The following CPQ variants were observed in gnomAD, a reference collection of about 807,000 sequenced individuals.
CPQ encodes Ser-Met dipeptidase.
A neutral mutation model predicts 45.7 loss-of-function variants in CPQ; 37 were observed. The observed-to-expected ratio is 0.81, with a 90% CI of 0.62 to 1.07. The LOEUF is 1.07. Among genes scored for constraint, CPQ ranks in the 50% least tolerant of loss-of-function variants. CPQ has a pLI of 0.00. For synonymous variants in CPQ, 186 were observed against 205.8 expected, an observed-to-expected ratio of 0.90 and a Z score of 0.82; for missense variants, 537 against 572.9, an observed-to-expected ratio of 0.94 and a Z score of 0.64.
At chr8:96,676,054 AT>A (rs1373126534) in intron 1 of CPQ, among the ~76,000 whole-genome samples, 3 of 152,050 alleles carry the variant, frequency 2.0e-5, no homozygotes, top group Non-Finnish European at 4.4e-5. Context: ...TGATACATGC[AT>A]ACAATGTGTA....
chr8:96,697,273 A>G (rs1563472071), intron 1 of CPQ, among the ~76,000 whole-genome samples: 1 of 152,200 alleles, frequency 6.6e-6, no homozygotes, highest in Non-Finnish European at 1.5e-5. Context: ...ACAAAAAATC[A>G]TATGGTTATT....
chr8:96,866,453 A>C (rs1179487783), intron 3 of CPQ, among the ~76,000 whole-genome samples: 1 of 152,088 alleles, frequency 6.6e-6, no homozygotes, highest in Admixed American at 6.6e-5. Context: ...AATAGTTTTT[A>C]AAATTATGTC....
intron 3 of CPQ, among the ~76,000 whole-genome samples, chr8:96,878,882 TG>T (rs1416738078): frequency 6.6e-6 from 1 of 152,216 alleles, no homozygotes; most frequent in Non-Finnish European, 1.5e-5. Context: ...TTTTAGCCTA[TG>T]CTTTAACAGA....
At chr8:96,745,101 A>T (rs1424571626) in intron 1 of CPQ, among the ~76,000 whole-genome samples, 1 of 152,188 alleles carries the variant, frequency 6.6e-6, no homozygotes, top group East Asian at 1.9e-4. Flanking sequence ...CAAGGTCAGG[A>T]GTTCGAGACT....
chr8:96,784,631 C>A (rs1301240421), intron 1 of CPQ, among the ~76,000 whole-genome samples: 1 of 152,146 alleles, frequency 6.6e-6, no homozygotes, highest in East Asian at 1.9e-4. Flanking sequence ...ATCCTTTTAG[C>A]ATATTTTAAA....
intron 4 of CPQ, among the ~76,000 whole-genome samples, chr8:96,952,863 G>A (rs1813289447): frequency 6.6e-6 from 1 of 152,020 alleles, no homozygotes; most frequent in African/African-American, 2.4e-5. Context: ...ATTATCAAAG[G>A]ACACTATAAA....
chr8:96,861,781 T>C lies in CPQ; in HGVS notation c.642-18017T>C, dbSNP rs148047285. 2.6e-3 allele frequency among the ~76,000 whole-genome samples: 396 copies of C among 152,164 alleles called. 4 individuals carry two copies. Among genetic ancestry groups the C allele is most frequent in the African/African-American group, 9.2e-3 (380 of 41,512 alleles). ...GCCAGCACTCTGAGAATGAGAAGCC[T>C]AGAGAGAGGCCAGGCTGGGATAGTG... On this transcript the variant is annotated intron_variant, in intron 3 of 7. Transcript: ENST00000220763.
At chr8:96,765,269 C>T (rs1481116282) in intron 1 of CPQ, among the ~76,000 whole-genome samples, 1 of 152,162 alleles carries the variant, frequency 6.6e-6, no homozygotes, top group Non-Finnish European at 1.5e-5. Context: ...ACTGCTGGAG[C>T]AGGTTTGCAG....
In CPQ at chr8:97,029,639, G is replaced by A. The variant is rs115466845; in HGVS notation, c.1053+145G>A. 198 of 696,598 alleles carry A rather than the reference G, an allele frequency of 2.8e-4. No homozygotes were observed. The African/African-American group carries it at 3.3e-3, about 11-fold the overall frequency. The allele number at this position is 696,598 out of a possible 1,614,324, so 43.2% of individuals were successfully genotyped here. On this transcript the variant is annotated intron_variant, in intron 6 of 7. Transcript: ENST00000220763. ...GTATGAGCCTTCTCCCTCCAGCCCTGTGAATGAGAATGCACTGGTAAACCA... is the reference window on the plus strand; with the variant it reads ...GTATGAGCCTTCTCCCTCCAGCCCTATGAATGAGAATGCACTGGTAAACCA...
At chr8:96,868,041 A>T (rs1812017910) in intron 3 of CPQ, among the ~76,000 whole-genome samples, 2 of 152,018 alleles carry the variant, frequency 1.3e-5, no homozygotes, top group South Asian at 4.1e-4. Context: ...ATGAGATGTG[A>T]GTAGAGCATT....
chr8:96,915,488 C>T (rs1812721923), intron 4 of CPQ, among the ~76,000 whole-genome samples: 1 of 152,012 alleles, frequency 6.6e-6, no homozygotes, highest in African/African-American at 2.4e-5. Context: ...AACATACTAC[C>T]CACCCATGTA....
At chr8:96,740,782 T>C (rs1810075482) in intron 1 of CPQ, among the ~76,000 whole-genome samples, 1 of 152,232 alleles carries the variant, frequency 6.6e-6, no homozygotes, top group African/African-American at 2.4e-5. Flanking sequence ...TTTATGTATA[T>C]TGAACCAGTC....
intron 1 of CPQ, among the ~76,000 whole-genome samples, chr8:96,657,344 C>CA (rs560559450): frequency 4.6e-5 from 7 of 151,050 alleles, no homozygotes; most frequent in African/African-American, 9.7e-5. Context: ...GACTCTGTCT[C>CA]AAAAAAAAAT....
intron 6 of CPQ, among the ~76,000 whole-genome samples, chr8:97,038,274 A>T (rs1810036612): frequency 6.6e-6 from 1 of 152,224 alleles, no homozygotes; most frequent in Non-Finnish European, 1.5e-5. Flanking sequence ...TTTGGCTGGC[A>T]TTTATTCTCC....
At chr8:96,709,559 A>G (rs1809580725) in intron 1 of CPQ, among the ~76,000 whole-genome samples, 1 of 152,138 alleles carries the variant, frequency 6.6e-6, no homozygotes, top group Non-Finnish European at 1.5e-5. Context: ...CGATAAACAT[A>G]TGCATGCAAG....
chr8:96,930,438 T>G (rs1249257495), intron 4 of CPQ, among the ~76,000 whole-genome samples: 2 of 152,240 alleles, frequency 1.3e-5, no homozygotes, highest in African/African-American at 4.8e-5. Flanking sequence ...GAAGTTTCAT[T>G]CTTTGGTTAG....
intron 1 of CPQ, among the ~76,000 whole-genome samples, chr8:96,647,921 C>T (rs1026011147): frequency 2.0e-5 from 3 of 151,924 alleles, no homozygotes; most frequent in African/African-American, 7.3e-5. Flanking sequence ...GAGTGCTAAG[C>T]AGTGTTGTTT....
At chr8:96,827,413 C>T (rs1391205534) in intron 2 of CPQ, among the ~76,000 whole-genome samples, 2 of 152,000 alleles carry the variant, frequency 1.3e-5, no homozygotes, top group African/African-American at 2.4e-5. Context: ...GATATAGGAC[C>T]TAAATTATTG....
chr8:96,912,040 G>A (rs949131323), intron 4 of CPQ, among the ~76,000 whole-genome samples: 22 of 152,240 alleles, frequency 1.4e-4, no homozygotes, highest in Middle Eastern at 3.4e-3. Flanking sequence ...TGTGAGGATC[G>A]GATGAGCTAC....
Sources: gnomAD v4.1 joint callset for allele counts (sites outside exome capture counted in the v4.1 genomes callset) on GRCh38, gnomAD v4.1.1 for gene constraint, MANE v1.5 for transcripts, NCBI Gene and HGNC (gene_info 2026-07-23, HGNC 2026-07-21) for gene names.